Variants in AGBL4 observed in about 807,000 individuals in gnomAD.
AGBL4 encodes AGBL carboxypeptidase 4, also known as cytosolic carboxypeptidase 6.
In AGBL4, 58 loss-of-function variants were observed where a neutral mutation model predicts 66.4. That is an observed-to-expected ratio of 0.87 (90% CI 0.71 to 1.09). The LOEUF is 1.09. Among genes scored for constraint, AGBL4 ranks in the 50% least tolerant of loss-of-function variants. The pLI, the probability that AGBL4 is intolerant of heterozygous loss-of-function variation, is 0.00. For missense variants in AGBL4, 579 were observed against 631.0 expected (o/e 0.92, Z 0.88); for synonymous variants, 234 against 222.9 (o/e 1.05, Z -0.44).
rs190254944 is a variant in AGBL4 at position 48,844,596 on chromosome 1, G to T, written c.634+22595C>A. 3.1e-3 allele frequency among the ~76,000 whole-genome samples: 472 copies of T among 152,250 alleles called. 3 individuals carry two copies. Among genetic ancestry groups the T allele is most frequent in the African/African-American group, 0.01 (420 of 41,538 alleles). Reference sequence around the variant, plus strand: ...TAGTATTACTTCATCCTTTGCATATGCCTTCTCCTTTGCTTAGAACACTCT... The same window carrying T: ...TAGTATTACTTCATCCTTTGCATATTCCTTCTCCTTTGCTTAGAACACTCT... On this transcript the variant is annotated intron_variant, in intron 6 of 13. Coordinates refer to ENST00000371839, the MANE Select transcript of AGBL4 (RefSeq NM_032785.4).
intron 4 of AGBL4, among the ~76,000 whole-genome samples, chr1:49,142,266 T>C (rs907720253): frequency 4.6e-5 from 7 of 152,108 alleles, no homozygotes; most frequent in African/African-American, 1.7e-4. Flanking sequence ...GCCAAAAAGG[T>C]TGGAGACTGC....
chr1:49,829,082 G>A (rs112962183), intron 2 of AGBL4, among the ~76,000 whole-genome samples: 9 of 149,504 alleles, frequency 6.0e-5, no homozygotes, highest in African/African-American at 2.4e-5. Flanking sequence ...AAAAAAAAAA[G>A]AAAGAAAGAA....
At chr1:49,613,833 C>G (rs1291672259) in intron 3 of AGBL4, among the ~76,000 whole-genome samples, 2 of 152,178 alleles carry the variant, frequency 1.3e-5, no homozygotes, top group African/African-American at 4.8e-5. Context: ...ACCATCCCCC[C>G]ATCCCAGTCC....
At chr1:49,735,290 TGTGTGG>T (rs769504378) in intron 2 of AGBL4, among the ~76,000 whole-genome samples, 4,445 of 111,520 alleles carry the variant, frequency 0.04, 134 homozygotes, top group African/African-American at 0.14. Context: ...GAGGTAGAGG[TGTGTGG>T]GTGTGTGTGT....
At chr1:48,697,038 C>T (rs1646723475) in intron 6 of AGBL4, among the ~76,000 whole-genome samples, 1 of 152,180 alleles carries the variant, frequency 6.6e-6, no homozygotes. Flanking sequence ...CCCTAGACTG[C>T]AGACTCTTTG....
At chr1:49,274,082 A>G (rs1042390674) in intron 3 of AGBL4, among the ~76,000 whole-genome samples, 1 of 152,184 alleles carries the variant, frequency 6.6e-6, no homozygotes, top group African/African-American at 2.4e-5. Flanking sequence ...TTATTTGGGA[A>G]ACAGCCTCTT....
At chr1:49,195,110 G>T (rs905765886) in intron 4 of AGBL4, among the ~76,000 whole-genome samples, 2 of 151,934 alleles carry the variant, frequency 1.3e-5, no homozygotes, top group Non-Finnish European at 2.9e-5. Flanking sequence ...CCAAAATGTC[G>T]AGATTGAAGG....
At chr1:48,956,434 C>T (rs1264483307) in intron 5 of AGBL4, among the ~76,000 whole-genome samples, 1 of 152,196 alleles carries the variant, frequency 6.6e-6, no homozygotes, top group Non-Finnish European at 1.5e-5. Flanking sequence ...CAATGGCTTT[C>T]CATCACAAGA....
intron 3 of AGBL4, among the ~76,000 whole-genome samples, chr1:49,595,243 C>G (rs928352299): frequency 1.3e-5 from 2 of 152,050 alleles, no homozygotes; most frequent in African/African-American, 4.8e-5. Flanking sequence ...CACACACCAC[C>G]ACACCCAGCC....
chr1:48,732,025 T>A (rs908898922), intron 6 of AGBL4, among the ~76,000 whole-genome samples: 2 of 152,136 alleles, frequency 1.3e-5, no homozygotes, highest in Non-Finnish European at 2.9e-5. Flanking sequence ...GTTCTCTCCA[T>A]ATTTGGAAAA....
chr1:49,504,900 TA>T (rs1162973854), intron 3 of AGBL4, among the ~76,000 whole-genome samples: 1 of 152,030 alleles, frequency 6.6e-6, no homozygotes, highest in African/African-American at 2.4e-5. Flanking sequence ...TTATTATTAT[TA>T]TTTTTTAGAT....
At chr1:49,263,790 C>T (rs1323913046) in intron 3 of AGBL4, among the ~76,000 whole-genome samples, 2 of 152,070 alleles carry the variant, frequency 1.3e-5, no homozygotes, top group Admixed American at 1.3e-4. Flanking sequence ...TATGTGTTCT[C>T]CTTAAACAAA....
chr1:48,735,865 A>G (rs193137360), intron 6 of AGBL4, among the ~76,000 whole-genome samples: 2 of 152,032 alleles, frequency 1.3e-5, no homozygotes, highest in African/African-American at 4.8e-5. Flanking sequence ...ATACCTCACC[A>G]TACACATCTG....
At chr1:49,325,573 T>C (rs1275324256) in intron 3 of AGBL4, among the ~76,000 whole-genome samples, 1 of 152,236 alleles carries the variant, frequency 6.6e-6, no homozygotes, top group African/African-American at 2.4e-5. Context: ...TTCCTGTGGC[T>C]CTGAGAATTT....
At chr1:48,634,363 G>A (rs953319236) in intron 9 of AGBL4, 130 bp downstream of exon 9, 65 of 664,852 alleles carry the variant, frequency 9.8e-5, no homozygotes, top group Non-Finnish European at 1.6e-4. Context: ...AGAAGAGCAG[G>A]CCTAGTGCCT....
chr1:48,577,204 T>C (rs1382269421), intron 11 of AGBL4, among the ~76,000 whole-genome samples: 3 of 152,238 alleles, frequency 2.0e-5, no homozygotes, highest in Non-Finnish European at 4.4e-5. Flanking sequence ...CTTCCCACAC[T>C]TGTGCAATAA....
intron 6 of AGBL4, among the ~76,000 whole-genome samples, chr1:48,837,684 A>G (rs12750047): frequency 3.5e-5 from 4 of 113,078 alleles, no homozygotes; most frequent in African/African-American, 6.4e-5. Context: ...ACACACACAC[A>G]CACGCACACA....
At chr1:48,796,450 C>A (rs1016953558) in intron 6 of AGBL4, among the ~76,000 whole-genome samples, 3 of 151,082 alleles carry the variant, frequency 2.0e-5, no homozygotes, top group African/African-American at 7.3e-5. Flanking sequence ...TAGTGGAGCT[C>A]TTTCCTTTAA....
At chr1:48,700,881 C>A (rs535182666) in intron 6 of AGBL4, among the ~76,000 whole-genome samples, 19 of 152,324 alleles carry the variant, frequency 1.2e-4, no homozygotes, top group Non-Finnish European at 1.8e-4. Flanking sequence ...AGGAGTCAGG[C>A]TTCAAAGCCA....
Sources: gnomAD v4.1 joint callset for allele counts (sites outside exome capture counted in the v4.1 genomes callset) on GRCh38, gnomAD v4.1.1 for gene constraint, MANE v1.5 for transcripts, NCBI Gene and HGNC (gene_info 2026-07-23, HGNC 2026-07-21) for gene names.